Variants in PTPRK observed in about 807,000 individuals in gnomAD.
PTPRK encodes the protein protein tyrosine phosphatase receptor type K.
In PTPRK, 75 loss-of-function variants were observed where a neutral mutation model predicts 178.0. The ratio of observed to expected loss-of-function variants is 0.42; its 90% confidence interval spans 0.35 to 0.51. The LOEUF (loss-of-function observed/expected upper bound fraction) is 0.51, where lower values mean the gene tolerates loss of function less well. Among genes scored for constraint, PTPRK ranks in the 20% least tolerant of loss-of-function variants. PTPRK has a pLI of 0.02. For missense variants in PTPRK, 1,441 were observed against 1,797.8 expected (o/e 0.80, Z 3.59); for synonymous variants, 637 against 620.6 (o/e 1.03, Z -0.39).
intron 3 of PTPRK, chr6:128,321,056 G>A (rs1159599946): frequency 6.6e-6 from 1 of 152,002 alleles, no homozygotes; most frequent in African/African-American, 2.4e-5. Flanking sequence ...TTAAAGCAAA[G>A]CATTTCTTTT....
intron 1 of PTPRK, among the ~76,000 whole-genome samples, chr6:128,458,626 TGTG>T (rs1189834416): frequency 6.6e-6 from 1 of 152,224 alleles, no homozygotes; most frequent in African/African-American, 2.4e-5. Context: ...ATGGCAACTG[TGTG>T]GTGAACGGTG....
intron 1 of PTPRK, among the ~76,000 whole-genome samples, chr6:128,501,857 A>G (rs183160199): frequency 1.1e-3 from 173 of 152,354 alleles, no homozygotes; most frequent in Non-Finnish European, 7.3e-5. Context: ...ATTAAGATGA[A>G]AAAACATGCT....
intron 1 of PTPRK, among the ~76,000 whole-genome samples, chr6:128,432,755 C>G (rs1365552275): frequency 4.6e-5 from 7 of 151,904 alleles, no homozygotes; most frequent in African/African-American, 1.7e-4. Context: ...AACACACACA[C>G]ACACACACAC....
At chr6:128,498,754 G>A (rs1034710243) in intron 1 of PTPRK, among the ~76,000 whole-genome samples, 2 of 152,120 alleles carry the variant, frequency 1.3e-5, no homozygotes, top group African/African-American at 4.8e-5. Flanking sequence ...AAAAAATTCA[G>A]CTGGATACCC....
intron 12 of PTPRK, 69 bp downstream of exon 12, chr6:128,067,449 GA>G: frequency 7.2e-7 from 1 of 1,385,142 alleles, no homozygotes; most frequent in Non-Finnish European, 9.7e-7. Context: ...GGATGCTACT[GA>G]GTATTCATAA....
At chr6:128,144,375 T>C (rs1164989926) in intron 7 of PTPRK, among the ~76,000 whole-genome samples, 1 of 152,236 alleles carries the variant, frequency 6.6e-6, no homozygotes, top group African/African-American at 2.4e-5. Flanking sequence ...TAATAAATGA[T>C]CAACATGGTG....
chr6:128,260,408 A>G (rs1446141330), intron 3 of PTPRK, among the ~76,000 whole-genome samples: 2 of 152,148 alleles, frequency 1.3e-5, no homozygotes, highest in African/African-American at 2.4e-5. Flanking sequence ...AGGATGCCCA[A>G]AAATAAAATA....
intron 28 of PTPRK, 35 bp downstream of exon 28, chr6:127,973,629 G>A (rs1228594531): frequency 6.2e-7 from 1 of 1,606,726 alleles, no homozygotes; most frequent in Non-Finnish European, 8.5e-7. Context: ...AAGCACCAAG[G>A]CCCCATGAAT....
chr6:128,329,946 G>A (rs564937650), intron 2 of PTPRK, among the ~76,000 whole-genome samples: 37 of 152,256 alleles, frequency 2.4e-4, no homozygotes, highest in Non-Finnish European at 4.1e-4. Context: ...GGAGTACAGA[G>A]GACTAAGTAA....
intron 2 of PTPRK, among the ~76,000 whole-genome samples, chr6:128,395,177 GAA>G (rs575591898): frequency 1.3e-5 from 2 of 151,858 alleles, no homozygotes; most frequent in Non-Finnish European, 2.9e-5. Flanking sequence ...GAAGGAAAAT[GAA>G]AAAAATAGTA....
intron 2 of PTPRK, among the ~76,000 whole-genome samples, chr6:128,380,388 C>A (rs1431351918): frequency 1.3e-5 from 2 of 151,926 alleles, no homozygotes; most frequent in Non-Finnish European, 2.9e-5. Context: ...TTTTGTTTCC[C>A]CTTATAAACG....
chr6:128,131,873 C>A (rs1794297051), intron 7 of PTPRK, among the ~76,000 whole-genome samples: 1 of 152,130 alleles, frequency 6.6e-6, no homozygotes, highest in African/African-American at 2.4e-5. Context: ...TGAGTCATCA[C>A]TTTTTTGTTA....
chr6:128,359,400 G>A (rs1180883918), intron 2 of PTPRK, among the ~76,000 whole-genome samples: 1 of 151,998 alleles, frequency 6.6e-6, no homozygotes, highest in East Asian at 1.9e-4. Flanking sequence ...AATAAAGTTT[G>A]ACAACATTTA....
intron 5 of PTPRK, among the ~76,000 whole-genome samples, chr6:128,233,125 T>A (rs1409847097): frequency 6.6e-6 from 1 of 152,220 alleles, no homozygotes; most frequent in Non-Finnish European, 1.5e-5. Context: ...TAAAATCTCT[T>A]GCAGAAATTA....
chr6:128,076,473 C>T (rs1039135486), intron 11 of PTPRK, among the ~76,000 whole-genome samples: 1 of 152,006 alleles, frequency 6.6e-6, no homozygotes, highest in Non-Finnish European at 1.5e-5. Context: ...TAAAGATGGA[C>T]TTGGTGGGAT....
At chr6:128,028,265 A>AT (rs1468558177) in intron 13 of PTPRK, among the ~76,000 whole-genome samples, 2 of 152,236 alleles carry the variant, frequency 1.3e-5, no homozygotes, top group Admixed American at 6.5e-5. Flanking sequence ...TAAGCACCTG[A>AT]TAAAAAAAAG....
chr6:128,084,041 G>A (rs973166291), intron 8 of PTPRK, among the ~76,000 whole-genome samples: 7 of 152,228 alleles, frequency 4.6e-5, no homozygotes, highest in Admixed American at 6.5e-5. Flanking sequence ...TGCAGAAAAT[G>A]TAGAAATGCA....
In PTPRK at chr6:128,083,804, T is replaced by G; in HGVS notation, c.1486A>C (p.Lys496Gln). 1 of 1,602,496 alleles carries G rather than the reference T, an allele frequency of 6.2e-7. No individual in the cohort carries two copies. The highest frequency in any genetic ancestry group is 8.5e-7 in the Non-Finnish European group (1 of 1,173,508). The change falls in exon 9 of 30, where the codon AAA (lysine) becomes CAA (glutamine). Residue 496 changes from lysine (K) to glutamine (Q), a missense_variant. Lys to Gln is a moderately conservative substitution (Grantham distance 53). Transcript: ENST00000368226. ...DEDVPGPVPV[K>Q]SLQGTSFENK... ...TCAAAGGATGTTCCTTGAAGAGATT[T>G]TACTGGTACGGGACCAGGCACTACA...
At chr6:128,149,012 T>C (rs1031836328) in intron 7 of PTPRK, among the ~76,000 whole-genome samples, 1 of 152,066 alleles carries the variant, frequency 6.6e-6, no homozygotes, top group African/African-American at 2.4e-5. Flanking sequence ...TCATTGACGA[T>C]ATCTTACATA....
Sources: allele counts gnomAD v4.1 joint callset (sites outside exome capture counted in the v4.1 genomes callset), GRCh38; gene constraint gnomAD v4.1.1; transcripts MANE v1.5; gene names NCBI Gene and HGNC (gene_info 2026-07-23, HGNC 2026-07-21).